Variants in NRG3 observed in about 807,000 individuals in gnomAD.
The protein encoded by NRG3 is pro-neuregulin-3, membrane-bound isoform.
Under a neutral mutation model 66.9 loss-of-function variants are expected in NRG3, and 31 were observed. The observed-to-expected ratio is 0.46, with a 90% CI of 0.35 to 0.63. The LOEUF (loss-of-function observed/expected upper bound fraction) is 0.63, where lower values mean the gene tolerates loss of function less well. Ranked by LOEUF, NRG3 falls within the 20% of genes least tolerant of loss-of-function variation. The pLI is 0.00. For synonymous variants in NRG3, 393 were observed against 359.4 expected, an observed-to-expected ratio of 1.09 and a Z score of -1.06; for missense variants, 910 against 878.9, an observed-to-expected ratio of 1.04 and a Z score of -0.45.
chr10:81,978,982 A>G (rs1018966759), intron 1 of NRG3, among the ~76,000 whole-genome samples: 4 of 152,090 alleles, frequency 2.6e-5, no homozygotes, highest in African/African-American at 9.7e-5. Context: ...CAAGGTCAAG[A>G]GATCAAGACC....
intron 3 of NRG3, among the ~76,000 whole-genome samples, chr10:82,848,586 A>C (rs972061791): frequency 2.0e-5 from 3 of 152,126 alleles, no homozygotes; most frequent in African/African-American, 7.2e-5. Flanking sequence ...ACTTTGGGAG[A>C]CTGTCAGAAG....
intron 1 of NRG3, among the ~76,000 whole-genome samples, chr10:82,052,116 C>T (rs2063626152): frequency 6.6e-6 from 1 of 150,960 alleles, no homozygotes; most frequent in African/African-American, 2.4e-5. Context: ...TCCTCATAAG[C>T]AATGTGCAAG....
At chr10:82,600,182 G>C (rs2133386909) in intron 2 of NRG3, among the ~76,000 whole-genome samples, 1 of 152,058 alleles carries the variant, frequency 6.6e-6, no homozygotes, top group Admixed American at 6.5e-5. Context: ...AAGTGCCTTT[G>C]CCTGTTTCAA....
At chr10:82,143,850 C>A (rs1010516505) in intron 1 of NRG3, among the ~76,000 whole-genome samples, 6 of 151,820 alleles carry the variant, frequency 4.0e-5, no homozygotes, top group African/African-American at 1.5e-4. Context: ...GGCAACATGG[C>A]AAAATCCTGT....
chr10:82,671,483 C>G (rs528417227), intron 2 of NRG3, among the ~76,000 whole-genome samples: 1 of 152,294 alleles, frequency 6.6e-6, no homozygotes, highest in South Asian at 2.1e-4. Context: ...ATTTTTGCCA[C>G]TCTGAAGATA....
At chr10:82,413,154 C>G (rs1245225810) in intron 2 of NRG3, among the ~76,000 whole-genome samples, 1 of 152,160 alleles carries the variant, frequency 6.6e-6, no homozygotes, top group Non-Finnish European at 1.5e-5. Flanking sequence ...TTGCCCAGAT[C>G]CATCAGAGGA....
chr10:82,773,818 G>A (rs1591480050), intron 3 of NRG3, among the ~76,000 whole-genome samples: 2 of 152,114 alleles, frequency 1.3e-5, no homozygotes, highest in African/African-American at 4.8e-5. Flanking sequence ...GTTCCCTATT[G>A]ATTATAATGT....
rs899753640 is a variant in NRG3, at chr10:82,951,456, T to C, written c.1055-13T>C. 2 of 1,608,422 alleles carry C rather than the reference T, an allele frequency of 1.2e-6. No homozygotes were observed. The highest frequency in any genetic ancestry group is 1.7e-6 in the Non-Finnish European group (2 of 1,174,914). ...GCTAGCATCCATTCTAATTTTGTTTTTCAAATTCACAGAGAGTGAAGAAGT... is the reference window on the plus strand; with the variant it reads ...GCTAGCATCCATTCTAATTTTGTTTCTCAAATTCACAGAGAGTGAAGAAGT... On this transcript the variant is annotated splice_polypyrimidine_tract_variant and intron_variant, in intron 4 of 8. Transcript: ENST00000372141.
chr10:82,614,904 A>T (rs1356496706), intron 2 of NRG3, among the ~76,000 whole-genome samples: 1 of 152,124 alleles, frequency 6.6e-6, no homozygotes, highest in African/African-American at 2.4e-5. Context: ...TTTCCAAAAA[A>T]AAAAACCTAG....
chr10:82,758,231 G>C (rs2059157527), intron 3 of NRG3, among the ~76,000 whole-genome samples: 1 of 152,104 alleles, frequency 6.6e-6, no homozygotes, highest in African/African-American at 2.4e-5. Flanking sequence ...GTAATGCTCA[G>C]TGTTGGGCAT....
chr10:82,513,234 G>C (rs1845358422), intron 2 of NRG3, among the ~76,000 whole-genome samples: 1 of 152,162 alleles, frequency 6.6e-6, no homozygotes, highest in African/African-American at 2.4e-5. Context: ...GCATTAGTTT[G>C]CTGAGGATAA....
At chr10:82,609,310 A>T (rs964724172) in intron 2 of NRG3, among the ~76,000 whole-genome samples, 3 of 152,194 alleles carry the variant, frequency 2.0e-5, no homozygotes, top group African/African-American at 7.2e-5. Flanking sequence ...AGAGCCATTC[A>T]AAGAGTGCCA....
chr10:82,760,264 A>G (rs1243946295), intron 3 of NRG3, among the ~76,000 whole-genome samples: 1 of 152,168 alleles, frequency 6.6e-6, no homozygotes, highest in Non-Finnish European at 1.5e-5. Context: ...GCCCACAGCC[A>G]AAAGCACATC....
intron 2 of NRG3, among the ~76,000 whole-genome samples, chr10:82,532,498 A>T (rs1026710991): frequency 1.4e-5 from 2 of 147,922 alleles, no homozygotes; most frequent in Non-Finnish European, 3.0e-5. Flanking sequence ...TATATATAGT[A>T]CTATATACAT....
intron 1 of NRG3, among the ~76,000 whole-genome samples, chr10:82,043,779 A>T (rs907171733): frequency 1.3e-5 from 2 of 152,056 alleles, no homozygotes; most frequent in African/African-American, 4.8e-5. Context: ...ACTTTAAGTC[A>T]TACCACAAAA....
chr10:82,918,644 C>T (rs114061023), intron 4 of NRG3, among the ~76,000 whole-genome samples: 2,206 of 152,194 alleles, frequency 0.014, 49 homozygotes, highest in African/African-American at 0.05. Flanking sequence ...TTCAGCTAAC[C>T]GTTAAAGATG....
intron 1 of NRG3, among the ~76,000 whole-genome samples, chr10:82,288,349 A>G (rs1240938397): frequency 6.6e-6 from 1 of 152,182 alleles, no homozygotes; most frequent in Non-Finnish European, 1.5e-5. Context: ...AGGTTAAGTA[A>G]TTTACTCGGT....
At chr10:82,686,344 C>T (rs1354362363) in intron 2 of NRG3, among the ~76,000 whole-genome samples, 1 of 151,948 alleles carries the variant, frequency 6.6e-6, no homozygotes, top group African/African-American at 2.4e-5. Context: ...CCCACCGCTA[C>T]GCCTGGCTAA....
intron 2 of NRG3, among the ~76,000 whole-genome samples, chr10:82,533,805 C>G (rs1360698221): frequency 6.6e-6 from 1 of 152,072 alleles, no homozygotes; most frequent in African/African-American, 2.4e-5. Context: ...AAAATTGTGC[C>G]TGTTGCAGAC....
Sources: gnomAD v4.1 joint callset for allele counts (sites outside exome capture counted in the v4.1 genomes callset) on GRCh38, gnomAD v4.1.1 for gene constraint, MANE v1.5 for transcripts, NCBI Gene and HGNC (gene_info 2026-07-23, HGNC 2026-07-21) for gene names.